Variants in MARCHF1 observed in about 807,000 individuals in gnomAD.
MARCHF1 encodes membrane associated ring-CH-type finger 1, also known as E3 ubiquitin-protein ligase MARCHF1.
A neutral mutation model predicts 54.2 loss-of-function variants in MARCHF1; 40 were observed. The ratio of observed to expected loss-of-function variants is 0.74; its 90% CI spans 0.57 to 0.96. The LOEUF is 0.96. MARCHF1 is among the 40% of genes least tolerant of loss of function. The pLI, the probability that MARCHF1 is intolerant of heterozygous loss-of-function variation, is 0.00. For missense variants in MARCHF1, 586 were observed against 656.5 expected (o/e 0.89, Z 1.17); for synonymous variants, 236 against 236.3 (o/e 1.00, Z 0.01).
chr4:163,859,342 T>C (rs530946654), intron 3 of MARCHF1, among the ~76,000 whole-genome samples: 3 of 152,032 alleles, frequency 2.0e-5, no homozygotes, highest in South Asian at 4.2e-4. Context: ...CTCTCCTCTA[T>C]TGAGGCAGTG....
chr4:164,086,324 T>G (rs1006080594), intron 2 of MARCHF1, among the ~76,000 whole-genome samples: 1 of 151,844 alleles, frequency 6.6e-6, no homozygotes, highest in African/African-American at 2.4e-5. Flanking sequence ...ATGATTATCA[T>G]TAGAAAAAAA....
chr4:163,885,280 A>C (rs1279998730), intron 3 of MARCHF1, among the ~76,000 whole-genome samples: 1 of 152,146 alleles, frequency 6.6e-6, no homozygotes, highest in Non-Finnish European at 1.5e-5. Context: ...ACCTTCCTTC[A>C]TTTAGATAGG....
intron 2 of MARCHF1, among the ~76,000 whole-genome samples, chr4:164,025,460 G>C (rs1753746314): frequency 6.6e-6 from 1 of 151,920 alleles, no homozygotes; most frequent in South Asian, 2.1e-4. Context: ...CAAGCACATA[G>C]AAGTTAAACA....
intron 3 of MARCHF1, among the ~76,000 whole-genome samples, chr4:163,945,238 T>C (rs988995884): frequency 6.6e-6 from 1 of 151,590 alleles, no homozygotes; most frequent in African/African-American, 2.4e-5. Context: ...AGACATGGTA[T>C]TTTTTTTTCT....
chr4:163,539,033 ATTTT>A (rs1738633489), intron 9 of MARCHF1, among the ~76,000 whole-genome samples: 1 of 132,378 alleles, frequency 7.6e-6, no homozygotes, highest in South Asian at 2.4e-4. Flanking sequence ...TTATTTATTT[ATTTT>A]GAGACAGAGT....
At chr4:163,574,654 G>A (rs1739974589) in intron 8 of MARCHF1, among the ~76,000 whole-genome samples, 1 of 151,230 alleles carries the variant, frequency 6.6e-6, no homozygotes, top group Non-Finnish European at 1.5e-5. Context: ...TGAGGGCTCT[G>A]TTCTGTTCCA....
intron 3 of MARCHF1, among the ~76,000 whole-genome samples, chr4:163,885,129 A>C (rs1750498537): frequency 1.3e-5 from 2 of 152,206 alleles, no homozygotes; most frequent in African/African-American, 4.8e-5. Context: ...AAGCTTAACT[A>C]AACTTTGGTA....
At chr4:163,810,951 G>A (rs1255424962) in intron 4 of MARCHF1, among the ~76,000 whole-genome samples, 1 of 151,732 alleles carries the variant, frequency 6.6e-6, no homozygotes, top group African/African-American at 2.4e-5. Context: ...AGTGGCTGGT[G>A]GTAAATATTG....
chr4:164,060,039 A>G (rs1184796646), intron 2 of MARCHF1, among the ~76,000 whole-genome samples: 2 of 152,112 alleles, frequency 1.3e-5, no homozygotes, highest in Non-Finnish European at 2.9e-5. Flanking sequence ...TTTTGCCTCA[A>G]TTAAATTAGA....
At chr4:164,158,937 T>A (rs1218707054) in intron 1 of MARCHF1, among the ~76,000 whole-genome samples, 1 of 152,184 alleles carries the variant, frequency 6.6e-6, no homozygotes, top group Non-Finnish European at 1.5e-5. Context: ...ACAATAATAG[T>A]CACAGTACTC....
chr4:163,935,698 CTTTCTTTTTT>C (rs1157190506), intron 3 of MARCHF1, among the ~76,000 whole-genome samples: 23 of 87,206 alleles, frequency 2.6e-4, no homozygotes, highest in African/African-American at 9.5e-4. Context: ...GTTTTGCTTG[CTTTCTTTTTT>C]TTTTTTTTTT....
At chr4:164,357,406 C>T (rs1286603723) in intron 1 of MARCHF1, among the ~76,000 whole-genome samples, 1 of 152,084 alleles carries the variant, frequency 6.6e-6, no homozygotes, top group Non-Finnish European at 1.5e-5. Context: ...TCTGGATTCC[C>T]TCTTATAAAG....
intron 5 of MARCHF1, among the ~76,000 whole-genome samples, chr4:163,630,345 C>T (rs1478093126): frequency 1.3e-5 from 2 of 152,110 alleles, no homozygotes; most frequent in South Asian, 2.1e-4. Flanking sequence ...CAAGAGTATA[C>T]AAGCATCATT....
In MARCHF1 at chr4:163,915,330, C is replaced by T. The variant is rs531838424; in HGVS notation, c.-38-61161G>A. Among the ~76,000 whole-genome samples, 15 of 152,186 alleles carry T rather than the reference C, an allele frequency of 9.9e-5. 1 individual carries two copies. In the East Asian group the frequency reaches 1.5e-3, roughly 16 times the overall value. On this transcript the variant is annotated intron_variant, in intron 3 of 9. Coordinates refer to ENST00000514618, the MANE Select transcript of MARCHF1 (RefSeq NM_001394959.1). The stretch of plus-strand genomic sequence containing the variant: ...CCCCACCCCAAAACCATAATCCCAA[C>T]TTAATTATGAGAAAAATGTAAAAAC...
intron 8 of MARCHF1, among the ~76,000 whole-genome samples, chr4:163,572,062 T>G: frequency 6.6e-6 from 1 of 152,080 alleles, no homozygotes; most frequent in Non-Finnish European, 1.5e-5. Context: ...ACTTGACTAT[T>G]TTCATCCTAC....
intron 1 of MARCHF1, among the ~76,000 whole-genome samples, chr4:164,278,814 A>G (rs1733951432): frequency 6.6e-6 from 1 of 152,230 alleles, no homozygotes; most frequent in South Asian, 2.1e-4. Flanking sequence ...TACAAACATT[A>G]GAACAATTTT....
intron 2 of MARCHF1, among the ~76,000 whole-genome samples, chr4:164,012,171 C>A (rs1227553712): frequency 1.3e-5 from 2 of 152,170 alleles, no homozygotes; most frequent in Non-Finnish European, 2.9e-5. Context: ...TAGGGCAAGT[C>A]CTGTTGCTGC....
intron 1 of MARCHF1, among the ~76,000 whole-genome samples, chr4:164,132,082 A>T (rs1378464680): frequency 1.3e-5 from 2 of 152,156 alleles, no homozygotes; most frequent in Non-Finnish European, 2.9e-5. Flanking sequence ...AAAAACCTGT[A>T]GCTGCCTGTT....
At chr4:164,218,190 G>C (rs977135791) in intron 1 of MARCHF1, among the ~76,000 whole-genome samples, 1 of 152,100 alleles carries the variant, frequency 6.6e-6, no homozygotes, top group Non-Finnish European at 1.5e-5. Flanking sequence ...TAAAATTATA[G>C]AGAAGTATCA....
Sources: gnomAD v4.1 joint callset for allele counts (sites outside exome capture counted in the v4.1 genomes callset) on GRCh38, gnomAD v4.1.1 for gene constraint, MANE v1.5 for transcripts, NCBI Gene and HGNC (gene_info 2026-07-23, HGNC 2026-07-21) for gene names.